IFNA8: variants seen among roughly 807,000 people sequenced by gnomAD.
IFNA8 encodes interferon alpha 8.
For synonymous variants in IFNA8, 91 were observed against 84.4 expected, an observed-to-expected ratio of 1.08 and a Z score of -0.43; for missense variants, 246 against 212.3, an observed-to-expected ratio of 1.16 and a Z score of -0.99.
rs184140046 is a variant in IFNA8 at position 21,409,801 on chromosome 9, C to T, written c.*55C>T. The T allele has an allele frequency of 8.1e-6, 12 of 1,479,148 alleles. No individual in the cohort carries two copies. The highest frequency in any genetic ancestry group is 1.0e-5 in the Non-Finnish European group (11 of 1,066,810). The allele number at this position is 1,479,148 out of a possible 1,614,324, so 91.6% of individuals were successfully genotyped here. A position where few individuals can be genotyped will look rare whatever the true frequency, so the allele number is the denominator to read the frequency against. On this transcript the variant is annotated 3_prime_UTR_variant, in exon 1 of 1. Coordinates refer to ENST00000380205, the MANE Select transcript of IFNA8 (RefSeq NM_002170.4). ...TAGACTAATACAGCAGCTCACACTT[C>T]GACAAGTTGTGCTCTTTCAAAGACC...
rs189455518 is a variant in IFNA8, at chr9:21,410,051, G to C, written c.*305G>C. On this transcript the variant is annotated 3_prime_UTR_variant, in exon 1 of 1. Transcript: ENST00000380205. ...TATGTGAACTTTTACATTGTGAATT[G>C]TGTAACAAAAACATGTTCTTTATAT... The C allele has an allele frequency of 2.5e-4, 49 of 198,072 alleles. No homozygotes were observed. In the East Asian group the frequency reaches 4.0e-3, roughly 16 times the overall value. 12.3% of individuals were successfully genotyped at this position (198,072 alleles called of 1,614,324 possible).
At position 21,409,133 on chromosome 9, in the gene IFNA8, G is replaced by C. The variant is rs139599683; in HGVS notation, c.-44G>C. ...AAAGTCTTCAGAGACCCAGGTTAAGGGTCATCCATCTGAACCAGCTCAGCA... is the reference window on the plus strand; with the variant it reads ...AAAGTCTTCAGAGACCCAGGTTAAGCGTCATCCATCTGAACCAGCTCAGCA... On this transcript the variant is annotated 5_prime_UTR_variant, in exon 1 of 1. Transcript: ENST00000380205. 602 of 1,540,944 alleles carry C rather than the reference G, an allele frequency of 3.9e-4. 3 individuals carry two copies. The highest frequency in any genetic ancestry group is 2.6e-3 in the Middle Eastern group (15 of 5,876).
chr9:21,409,423 A>T lies in IFNA8; in HGVS notation c.247A>T (p.Met83Leu), dbSNP rs1211255207. The T allele has an allele frequency of 3.1e-6, 5 of 1,614,102 alleles. No individual in the cohort carries two copies. Residue 83 changes from methionine (M) to leucine (L), a missense_variant, in exon 1 of 1, where the codon ATG becomes TTG. Physicochemically the swap from Met to Leu is conservative, Grantham distance 15. Transcript: ENST00000380205. ...KAQAISVLHE[M>L]IQQTFNLFST... The stretch of plus-strand genomic sequence containing the variant: ...TCAAGCCATCTCTGTCCTCCATGAG[A>T]TGATCCAGCAGACCTTCAACCTCTT...
At position 21,409,173 on chromosome 9, in the gene IFNA8, T is replaced by G. The variant is rs745336753; in HGVS notation, c.-4T>G. On this transcript the variant is annotated 5_prime_UTR_variant, in exon 1 of 1. Coordinates refer to ENST00000380205, the MANE Select transcript of IFNA8 (RefSeq NM_002170.4). ...CCAGCTCAGCAGCATCCACAACATC[T>G]ACAATGGCCTTGACTTTTTATTTAC... 1.9e-6 allele frequency: 3 copies of G among 1,613,486 alleles called. No homozygotes were observed. The highest frequency in any genetic ancestry group is 2.5e-6 in the Non-Finnish European group (3 of 1,179,562).
In IFNA8 at chr9:21,409,761, C is replaced by G. The variant is rs371957734; in HGVS notation, c.*15C>G. On this transcript the variant is annotated 3_prime_UTR_variant, in exon 1 of 1. Transcript: ENST00000380205. ...GTAAGGAATGAGACCTGGTACAACACGGAAATGATTCTTATAGACTAATAC... is the reference window on the plus strand; with the variant it reads ...GTAAGGAATGAGACCTGGTACAACAGGGAAATGATTCTTATAGACTAATAC... 234 of 1,603,392 alleles carry G rather than the reference C, an allele frequency of 1.5e-4. 1 individual carries two copies. The African/African-American group carries it at 2.7e-3, about 19-fold the overall frequency.
rs1288229756 is a variant in IFNA8 at position 21,409,480 on chromosome 9, G to A, written c.304G>A (p.Glu102Lys). The change falls in exon 1 of 1, where the codon GAG becomes AAG. Residue 102 changes from glutamate (E) to lysine (K), a missense_variant. By Grantham distance (56) the Glu-to-Lys change is moderately conservative. Transcript: ENST00000380205. ...STKDSSAALD[E>K]TLLDEFYIEL... ...AAAGGACTCATCTGCTGCTTTGGAT[G>A]AGACCCTTCTAGATGAATTCTACAT... 6.2e-7 allele frequency: 1 copy of A among 1,614,070 alleles called. No homozygotes were observed. Among genetic ancestry groups the A allele is most frequent in the African/African-American group, 1.3e-5 (1 of 75,022 alleles).
chr9:21,409,727 G>C lies in IFNA8; in HGVS notation c.551G>C (p.Arg184Thr). The C allele has an allele frequency of 1.9e-6, 3 of 1,613,652 alleles. No homozygotes were observed. Among genetic ancestry groups the C allele is most frequent in the Non-Finnish European group, 1.7e-6 (2 of 1,179,638 alleles). Residue 184 changes from arginine to threonine, a missense_variant, in exon 1 of 1, where the codon AGA (arginine) becomes ACA (threonine). Coordinates refer to ENST00000380205, the MANE Select transcript of IFNA8 (RefSeq NM_002170.4). ...TCTTTATCAATCAACTTGCAAAAAA[G>C]ATTGAAGAGTAAGGAATGAGACCTG... ...SFSLSINLQKRLKSKE is the reference protein window; with the variant it reads ...SFSLSINLQKTLKSKE
rs537364943 is a variant in IFNA8, at chr9:21,409,709, C to CAAT, written c.534_536dup (p.Ile179dup). On this transcript the variant is annotated inframe_insertion, in exon 1 of 1. Transcript: ENST00000380205. ...GAAATCATGAGATCCTTCTCTTTAT[C>CAAT]AATCAACTTGCAAAAAAGATTGAAG... The CAAT allele has an allele frequency of 3.6e-5, 58 of 1,613,784 alleles. No individual in the cohort carries two copies. The African/African-American group carries it at 6.0e-4, about 17-fold the overall frequency.
In IFNA8 at chr9:21,409,442, A is replaced by G. The variant is rs772178929; in HGVS notation, c.266A>G (p.Asn89Ser). ...VLHEMIQQTF[N>S]LFSTKDSSAA... ...CATGAGATGATCCAGCAGACCTTCA[A>G]CCTCTTCAGCACAAAGGACTCATCT... is the stretch of plus-strand genomic sequence containing the variant. The change falls in exon 1 of 1, where the codon AAC becomes AGC. Residue 89 changes from asparagine (N) to serine (S), a missense_variant. Asn to Ser is a conservative substitution (Grantham distance 46, BLOSUM62 1). Transcript: ENST00000380205. The G allele has an allele frequency of 5.6e-6, 9 of 1,614,078 alleles. No homozygotes were observed. The South Asian group carries it at 7.7e-5, about 14-fold the overall frequency.
At position 21,409,497 on chromosome 9, in the gene IFNA8, A is replaced by C; in HGVS notation, c.321A>C (p.Glu107Asp). ...SAALDETLLDEFYIELDQQLN... is the reference protein window; with the variant it reads ...SAALDETLLDDFYIELDQQLN... The stretch of plus-strand genomic sequence containing the variant: ...CTTTGGATGAGACCCTTCTAGATGA[A>C]TTCTACATCGAACTTGACCAGCAGC... Residue 107 changes from glutamate to aspartate, a missense_variant, in exon 1 of 1, where the codon GAA becomes GAC. Physicochemically the swap from Glu to Asp is conservative, Grantham distance 45 (BLOSUM62 2). Coordinates refer to ENST00000380205, the MANE Select transcript of IFNA8 (RefSeq NM_002170.4). 6.2e-7 allele frequency: 1 copy of C among 1,614,076 alleles called. No individual in the cohort carries two copies. The highest frequency in any genetic ancestry group is 8.5e-7 in the Non-Finnish European group (1 of 1,179,964).
In IFNA8 at chr9:21,409,784, T is replaced by C. The variant is rs776316845; in HGVS notation, c.*38T>C. 1.9e-6 allele frequency: 3 copies of C among 1,555,838 alleles called. No homozygotes were observed. The highest frequency in any genetic ancestry group is 2.3e-5 in the South Asian group (2 of 88,682). ...CACGGAAATGATTCTTATAGACTAA[T>C]ACAGCAGCTCACACTTCGACAAGTT... On this transcript the variant is annotated 3_prime_UTR_variant, in exon 1 of 1. Coordinates refer to ENST00000380205, the MANE Select transcript of IFNA8 (RefSeq NM_002170.4).
rs1346116305 is a variant in IFNA8 at position 21,409,497 on chromosome 9, A to G, written c.321A>G (p.Glu107=). The G allele has an allele frequency of 6.2e-6, 10 of 1,613,958 alleles. No individual in the cohort carries two copies. Among genetic ancestry groups the G allele is most frequent in the Non-Finnish European group, 8.5e-6 (10 of 1,179,972 alleles). ...SAALDETLLD[E]FYIELDQQLN... ...CTTTGGATGAGACCCTTCTAGATGA[A>G]TTCTACATCGAACTTGACCAGCAGC... Residue 107 remains glutamate (E), a synonymous_variant, in exon 1 of 1, where the codon GAA becomes GAG. Transcript: ENST00000380205.
Position 21,409,359 on chromosome 9 carries a change from C to G in IFNA8, c.183C>G (p.Phe61Leu), listed in dbSNP as rs144215278. 6.6e-4 allele frequency: 1,061 copies of G among 1,614,022 alleles called. 1 individual carries two copies. Among genetic ancestry groups the G allele is most frequent in the Non-Finnish European group, 8.4e-4 (994 of 1,179,976 alleles). ...TGAAGGACAGACATGACTTTGAATT[C>G]CCCCAGGAGGAGTTTGATGATAAAC... ...SCLKDRHDFE[F>L]PQEEFDDKQF... The change falls in exon 1 of 1, where the codon TTC becomes TTG. Residue 61 changes from phenylalanine to leucine, a missense_variant. By Grantham distance (22) the Phe-to-Leu change is conservative (BLOSUM62 0). Coordinates refer to ENST00000380205, the MANE Select transcript of IFNA8 (RefSeq NM_002170.4).
At chr9:21,409,720 CA>C in the IFNA8 span, 2 of 1,611,116 alleles carry the variant, frequency 1.2e-6, no homozygotes, top group Admixed American at 1.7e-5. Context: ...AATCAACTTG[CA>C]AAAAAGATTG....
rs1818023613 is a variant in IFNA8 at position 21,409,983 on chromosome 9, T to C, written c.*237T>C. On this transcript the variant is annotated 3_prime_UTR_variant, in exon 1 of 1. Transcript: ENST00000380205. ...TCTATTTATTTAAATCTTTATTTAG[T>C]TAACTATCTATAGGGCTTAAATTAG... 2 of 381,290 alleles carry C rather than the reference T, an allele frequency of 5.2e-6. No individual in the cohort carries two copies. The highest frequency in any genetic ancestry group is 1.0e-5 in the Non-Finnish European group (2 of 199,786). The allele number at this position is 381,290 out of a possible 1,614,324, so 23.6% of individuals were successfully genotyped here. A position where few individuals can be genotyped will look rare whatever the true frequency, so the allele number is the denominator to read the frequency against.
chr9:21,409,471 G>A lies in IFNA8; in HGVS notation c.295G>A (p.Ala99Thr). Residue 99 changes from alanine (A) to threonine (T), a missense_variant, in exon 1 of 1, where the codon GCT becomes ACT. Physicochemically the swap from Ala to Thr is moderately conservative, Grantham distance 58. Coordinates refer to ENST00000380205, the MANE Select transcript of IFNA8 (RefSeq NM_002170.4). Reference protein sequence around the residue: ...NLFSTKDSSAALDETLLDEFY... With the variant: ...NLFSTKDSSATLDETLLDEFY... ...CTTCAGCACAAAGGACTCATCTGCTGCTTTGGATGAGACCCTTCTAGATGA... is the reference window on the plus strand; with the variant it reads ...CTTCAGCACAAAGGACTCATCTGCTACTTTGGATGAGACCCTTCTAGATGA... 1.2e-6 allele frequency: 2 copies of A among 1,614,084 alleles called. No homozygotes were observed. Among genetic ancestry groups the A allele is most frequent in the Non-Finnish European group, 1.7e-6 (2 of 1,179,964 alleles).
rs1818020613 is a variant in IFNA8, at chr9:21,409,729, T to C, written c.553T>C (p.Leu185=). The change falls in exon 1 of 1, where the codon TTG becomes CTG. Residue 185 remains leucine, a synonymous_variant. Coordinates refer to ENST00000380205, the MANE Select transcript of IFNA8 (RefSeq NM_002170.4). ...FSLSINLQKR[L]KSKE is the part of the protein sequence containing the mutation. ...TTTATCAATCAACTTGCAAAAAAGA[T>C]TGAAGAGTAAGGAATGAGACCTGGT... The C allele has an allele frequency of 1.2e-6, 2 of 1,613,644 alleles. No individual in the cohort carries two copies. The highest frequency in any genetic ancestry group is 8.5e-7 in the Non-Finnish European group (1 of 1,179,618).
rs1818022422 is a variant in IFNA8 at position 21,409,875 on chromosome 9, GT to G, written c.*133del. On this transcript the variant is annotated 3_prime_UTR_variant, in exon 1 of 1. Coordinates refer to ENST00000380205, the MANE Select transcript of IFNA8 (RefSeq NM_002170.4). ...ATGAATTGAATCAAATGTGTCAAGT[GT>G]TTTCAGGAGTGTTAAGCAACATCCT... 1.2e-6 allele frequency: 1 copy of G among 835,756 alleles called. No homozygotes were observed. The allele number at this position is 835,756 out of a possible 1,614,324, so 51.8% of individuals were successfully genotyped here.
rs774113742 is a variant in IFNA8 at position 21,409,582 on chromosome 9, T to C, written c.406T>C (p.Tyr136His). The change falls in exon 1 of 1, where the codon TAC becomes CAC. Residue 136 changes from tyrosine (Y) to histidine (H), a missense_variant. Transcript: ENST00000380205. ...EVGVIESPLM[Y>H]EDSILAVRKY... Reference sequence around the variant, plus strand: ...GGGGGTGATAGAGTCTCCCCTGATGTACGAGGACTCCATCCTGGCTGTGAG... The same window carrying C: ...GGGGGTGATAGAGTCTCCCCTGATGCACGAGGACTCCATCCTGGCTGTGAG... 29 of 1,613,902 alleles carry C rather than the reference T, an allele frequency of 1.8e-5. No individual in the cohort carries two copies. The highest frequency in any genetic ancestry group is 2.4e-5 in the Non-Finnish European group (28 of 1,179,910).
Sources: allele counts gnomAD v4.1 joint callset, GRCh38; gene constraint gnomAD v4.1.1; transcripts MANE v1.5; gene names NCBI Gene and HGNC (gene_info 2026-07-23, HGNC 2026-07-21).